Variants in CTXN2 observed in about 807,000 individuals in gnomAD.
The protein encoded by CTXN2 is cortexin-2.
Under a neutral mutation model 5.7 loss-of-function variants are expected in CTXN2, and 3 were observed. That is an observed-to-expected ratio of 0.53 (90% confidence interval 0.24 to 1.36). The LOEUF (loss-of-function observed/expected upper bound fraction) is 1.36, where lower values mean the gene tolerates loss of function less well. Among genes scored for constraint, CTXN2 ranks in the 40% most tolerant of loss-of-function variants. The pLI is 0.17. For synonymous variants in CTXN2, 38 were observed against 36.4 expected, an observed-to-expected ratio of 1.04 and a Z score of -0.16; for missense variants, 87 against 93.0, an observed-to-expected ratio of 0.94 and a Z score of 0.26.
rs2040824422 is a variant in CTXN2, at chr15:48,191,686, A to AT, written c.-222dup. 2.2e-6 allele frequency: 1 copy of AT among 455,806 alleles called. No individual in the cohort carries two copies. Among genetic ancestry groups the AT allele is most frequent in the Non-Finnish European group, 4.4e-6 (1 of 226,752 alleles). The allele number at this position is 455,806 out of a possible 1,614,324, so 28.2% of individuals were successfully genotyped here. A position where few individuals can be genotyped will look rare whatever the true frequency, so the allele number is the denominator to read the frequency against. The stretch of plus-strand genomic sequence containing the variant: ...CTCTGTCTCACCAACAGACACAGAC[A>AT]TTTACACTTCTAGGCCAGGAAAGCG... On this transcript the variant is annotated 5_prime_UTR_variant, in exon 1 of 2. Transcript: ENST00000417307.
intron 1 of CTXN2, among the ~76,000 whole-genome samples, chr15:48,181,075 A>G (rs779014917): frequency 3.3e-5 from 5 of 152,244 alleles, no homozygotes; most frequent in Non-Finnish European, 5.9e-5. Context: ...CCTAGAAATC[A>G]CAAAATATTT....
At chr15:48,196,891 G>A (rs2040884628) in intron 1 of CTXN2, among the ~76,000 whole-genome samples, 1 of 151,828 alleles carries the variant, frequency 6.6e-6, no homozygotes, top group Admixed American at 6.6e-5. Context: ...TTCATGGTCT[G>A]TAATTTCTCA....
At chr15:48,182,382 G>C (rs2040707576) in intron 1 of CTXN2, among the ~76,000 whole-genome samples, 2 of 152,170 alleles carry the variant, frequency 1.3e-5, no homozygotes, top group Admixed American at 6.5e-5. Flanking sequence ...ATTTCTGTCT[G>C]TGATCCTCCA....
At chr15:48,199,891 CA>C (rs967197719) in intron 1 of CTXN2, among the ~76,000 whole-genome samples, 1 of 152,066 alleles carries the variant, frequency 6.6e-6, no homozygotes, top group African/African-American at 2.4e-5. Flanking sequence ...ACAAAAAAAT[CA>C]AACAATGAAC....
intron 1 of CTXN2, among the ~76,000 whole-genome samples, chr15:48,200,525 T>A (rs1387402605): frequency 6.6e-6 from 1 of 152,182 alleles, no homozygotes; most frequent in Non-Finnish European, 1.5e-5. Context: ...ACTTGGATTT[T>A]ATGTTTACTT....
intron 1 of CTXN2, among the ~76,000 whole-genome samples, chr15:48,184,058 T>C (rs2040725577): frequency 6.6e-6 from 1 of 152,224 alleles, no homozygotes; most frequent in Admixed American, 6.5e-5. Flanking sequence ...TAATCAGTCC[T>C]CAAAACATTA....
chr15:48,182,589 A>G (rs1038842204), intron 1 of CTXN2, among the ~76,000 whole-genome samples: 1 of 152,234 alleles, frequency 6.6e-6, no homozygotes, highest in Non-Finnish European at 1.5e-5. Flanking sequence ...CTATGTTTCA[A>G]TTCACAAAGT....
intron 1 of CTXN2, among the ~76,000 whole-genome samples, chr15:48,199,335 A>G (rs1354898275): frequency 6.6e-6 from 1 of 152,328 alleles, no homozygotes; most frequent in East Asian, 1.9e-4. Flanking sequence ...TTGCTGGGCA[A>G]TAAGTCCTTC....
intron 1 of CTXN2, among the ~76,000 whole-genome samples, chr15:48,198,858 T>C (rs911844892): frequency 6.6e-6 from 1 of 152,208 alleles, no homozygotes; most frequent in Admixed American, 6.5e-5. Flanking sequence ...ATAATCAGTT[T>C]AGGCTACTGC....
Position 48,198,721 on chromosome 15 carries a change from G to A in CTXN2, c.-57-2523G>A, listed in dbSNP as rs140790898. ...AGTAGGTTTTAAGAAAAATAAGAGC[G>A]TAGTGGATTAATCACTGGTTAAGAG... is the stretch of plus-strand genomic sequence containing the variant. On this transcript the variant is annotated intron_variant, in intron 1 of 1. Coordinates refer to ENST00000417307, the MANE Select transcript of CTXN2 (RefSeq NM_001145668.2). Among the ~76,000 whole-genome samples, 10 of 152,262 alleles carry A rather than the reference G, an allele frequency of 6.6e-5. No individual in the cohort carries two copies. In the East Asian group the frequency reaches 1.7e-3, roughly 26 times the overall value.
At chr15:48,179,237 CAT>C (rs2040662718) in intron 1 of CTXN2, among the ~76,000 whole-genome samples, 1 of 151,778 alleles carries the variant, frequency 6.6e-6, no homozygotes, top group Non-Finnish European at 1.5e-5. Flanking sequence ...ATTTTTTTTC[CAT>C]GAAGAAGCAA....
upstream of CTXN2, chr15:48,189,650 C>T (rs565807458): frequency 6.6e-6 from 1 of 152,270 alleles, no homozygotes; most frequent in African/African-American, 2.4e-5. Flanking sequence ...AAAATGTTTA[C>T]ATGATTAGTC....
intron 1 of CTXN2, 132 bp downstream of exon 1, chr15:48,191,985 T>TGG (rs1037385271): frequency 6.1e-6 from 2 of 328,746 alleles, no homozygotes; most frequent in African/African-American, 4.6e-5. Flanking sequence ...GAGCGGGGGG[T>TGG]GGGGCGGTGG....
Position 48,201,426 on chromosome 15 carries a change from ACTT to A in CTXN2, c.130_132del (p.Leu44del), listed in dbSNP as rs1178370964. On this transcript the variant is annotated inframe_deletion, in exon 2 of 2. Transcript: ENST00000417307. The stretch of plus-strand genomic sequence containing the variant: ...TTGGGATTTTGTGTATCTTCTTGGG[ACTT>A]CTTATTATCCGATGCTTCAAAATCC... 5 of 1,551,368 alleles carry A rather than the reference ACTT, an allele frequency of 3.2e-6. No homozygotes were observed. The Admixed American group carries it at 7.8e-5, about 24-fold the overall frequency.
At chr15:48,193,399 GTATAA>G (rs5812436) in intron 1 of CTXN2, among the ~76,000 whole-genome samples, 123,592 of 151,724 alleles carry the variant, frequency 0.81, 55,164 homozygotes, top group Non-Finnish European at 1. Context: ...CAATTTTGTG[GTATAA>G]TATATTTCAA....
chr15:48,187,582 C>G (rs2040770497), upstream of CTXN2, among the ~76,000 whole-genome samples: 1 of 152,106 alleles, frequency 6.6e-6, no homozygotes, highest in African/African-American at 2.4e-5. Context: ...TCTCACTTTG[C>G]AAAAGTTGAG....
At chr15:48,179,852 A>G (rs1446698401) in intron 1 of CTXN2, among the ~76,000 whole-genome samples, 1 of 152,226 alleles carries the variant, frequency 6.6e-6, no homozygotes, top group Non-Finnish European at 1.5e-5. Context: ...AATAGTCATC[A>G]TTCTGTTATT....
At chr15:48,185,725 G>T (rs2040745606) in intron 1 of CTXN2, among the ~76,000 whole-genome samples, 1 of 152,258 alleles carries the variant, frequency 6.6e-6, no homozygotes, top group Non-Finnish European at 1.5e-5. Flanking sequence ...CAAAGATCAG[G>T]AAGAATTGTG....
At position 48,197,014 on chromosome 15, in the gene CTXN2, A is replaced by ATT. The variant is rs5812437; in HGVS notation, c.-57-4217_-57-4216dup. 8.6e-3 allele frequency among the ~76,000 whole-genome samples: 1,243 copies of ATT among 144,592 alleles called. 11 individuals are homozygous for ATT. Among genetic ancestry groups the ATT allele is most frequent in the Non-Finnish European group, 0.012 (790 of 65,442 alleles). The allele number at this position is 144,592 out of a possible 152,430, so 94.9% of individuals were successfully genotyped here. Reference sequence around the variant, plus strand: ...AAGTATTATCCGCTTACATTGTTTGATTTTTTTTTTTTTTCATTTCTAAAG... The same window carrying ATT: ...AAGTATTATCCGCTTACATTGTTTGATTTTTTTTTTTTTTTTCATTTCTAAAG... On this transcript the variant is annotated intron_variant, in intron 1 of 1. Transcript: ENST00000417307.
Sources: allele counts gnomAD v4.1 joint callset (sites outside exome capture counted in the v4.1 genomes callset), GRCh38; gene constraint gnomAD v4.1.1; transcripts MANE v1.5; gene names NCBI Gene and HGNC (gene_info 2026-07-23, HGNC 2026-07-21).